Variants in TLCD4 observed in about 807,000 individuals in gnomAD.
TLCD4 encodes the protein TLC domain-containing protein 4.
Under a neutral mutation model 24.2 loss-of-function variants are expected in TLCD4, and 7 were observed. That is an observed-to-expected ratio of 0.29 (90% CI 0.16 to 0.54). The LOEUF is 0.54. Ranked by LOEUF, TLCD4 falls within the 20% of genes least tolerant of loss-of-function variation. The pLI, the probability that TLCD4 is intolerant of heterozygous loss-of-function variation, is 0.95. For missense variants in TLCD4, 259 were observed against 313.9 expected, an observed-to-expected ratio of 0.82 and a Z score of 1.32; for synonymous variants, 103 against 106.4, an observed-to-expected ratio of 0.97 and a Z score of 0.20.
chr1:95,181,741 CTACTCCCTGAGTAGCTGGGATTACTAT>C (rs1281100124), intron 6 of TLCD4, among the ~76,000 whole-genome samples: 25 of 152,028 alleles, frequency 1.6e-4, no homozygotes, highest in Admixed American at 3.9e-4. Flanking sequence ...GGGATTACTA[CTACTCCCTGAGTAGCTGGGATTACTAT>C]GCCACCACGC....
chr1:95,189,432 G>C (rs748554416), intron 6 of TLCD4, among the ~76,000 whole-genome samples: 10 of 152,090 alleles, frequency 6.6e-5, no homozygotes, highest in Non-Finnish European at 1.5e-4. Context: ...GCATACATCA[G>C]GTTCACTTTT....
chr1:95,143,476 C>T (rs919605388), intron 1 of TLCD4, among the ~76,000 whole-genome samples: 7 of 151,892 alleles, frequency 4.6e-5, no homozygotes, highest in Non-Finnish European at 1.0e-4. Flanking sequence ...TTGATTGTTT[C>T]TTAGAAATTA....
chr1:95,162,971 T>A (rs1285518409), intron 5 of TLCD4, among the ~76,000 whole-genome samples: 2 of 152,188 alleles, frequency 1.3e-5, no homozygotes, highest in Non-Finnish European at 2.9e-5. Context: ...AATCTGACAA[T>A]TATGTGTCTT....
At chr1:95,107,824 A>G in the TLCD4 span, among the ~76,000 whole-genome samples, 4 of 152,196 alleles carry the variant, frequency 2.6e-5, no homozygotes, top group Non-Finnish European at 4.4e-5. Flanking sequence ...TCTGTTAACA[A>G]GGCATTTTAG....
At chr1:95,176,829 TA>T (rs1678446463) in intron 6 of TLCD4, among the ~76,000 whole-genome samples, 1 of 152,344 alleles carries the variant, frequency 6.6e-6, no homozygotes, top group Middle Eastern at 3.4e-3. Context: ...ATATATGGTA[TA>T]GGGGTCCAAC....
chr1:95,137,153 A>C (rs1302509333), intron 1 of TLCD4, among the ~76,000 whole-genome samples: 1 of 152,214 alleles, frequency 6.6e-6, no homozygotes, highest in African/African-American at 2.4e-5. Context: ...AAAGGTGTTT[A>C]TGCCTGATCG....
chr1:95,155,907 T>C (rs547499789), intron 5 of TLCD4, among the ~76,000 whole-genome samples: 39 of 152,210 alleles, frequency 2.6e-4, no homozygotes, highest in Non-Finnish European at 4.6e-4. Flanking sequence ...GATTTAAATA[T>C]AAGATACTAT....
intron 5 of TLCD4, among the ~76,000 whole-genome samples, chr1:95,165,757 C>T (rs983610191): frequency 2.0e-5 from 3 of 152,160 alleles, no homozygotes; most frequent in Non-Finnish European, 4.4e-5. Context: ...TGAGCCACTG[C>T]GCCTGGCCTA....
At chr1:95,103,304 G>A in the TLCD4 span, among the ~76,000 whole-genome samples, 1 of 152,078 alleles carries the variant, frequency 6.6e-6, no homozygotes, top group Non-Finnish European at 1.5e-5. Context: ...GGTAGGCAGT[G>A]AAACTCCATT....
chr1:95,182,388 T>C (rs1052269374), intron 6 of TLCD4, among the ~76,000 whole-genome samples: 7 of 152,168 alleles, frequency 4.6e-5, no homozygotes, highest in African/African-American at 1.7e-4. Context: ...GTAGCAGAAA[T>C]GCCTTATGTG....
intron 1 of TLCD4, among the ~76,000 whole-genome samples, chr1:95,129,437 T>G (rs1471576814): frequency 6.6e-6 from 1 of 152,192 alleles, no homozygotes; most frequent in Non-Finnish European, 1.5e-5. Context: ...TAATATCATT[T>G]ATCTTTGAAA....
chr1:95,094,566 CTAAG>C, the TLCD4 span, among the ~76,000 whole-genome samples: 2 of 152,158 alleles, frequency 1.3e-5, no homozygotes, highest in African/African-American at 4.8e-5. Context: ...ATAAACCCTT[CTAAG>C]TGAGTGCTGT....
At chr1:95,121,537 C>A (rs1676569398) in intron 1 of TLCD4, among the ~76,000 whole-genome samples, 1 of 152,226 alleles carries the variant, frequency 6.6e-6, no homozygotes, top group Non-Finnish European at 1.5e-5. Flanking sequence ...GTGGCACAGT[C>A]TTGGCTCACT....
Position 95,182,256 on chromosome 1 carries a change from A to G in TLCD4, c.473+8367A>G, listed in dbSNP as rs1678670972. Among the ~76,000 whole-genome samples the G allele has an allele frequency of 1.3e-5, 2 of 150,784 alleles. 1 individual carries two copies. Among genetic ancestry groups the G allele is most frequent in the African/African-American group, 4.9e-5 (2 of 40,950 alleles). On this transcript the variant is annotated intron_variant, in intron 6 of 6. Transcript: ENST00000370203. ...CCTGCCAGATGGCTCAAGCAATCAT[A>G]GTTTATTGTTTTTTGTTTTTTTTTT...
intron 1 of TLCD4, among the ~76,000 whole-genome samples, chr1:95,131,684 T>A (rs150654381): frequency 6.6e-6 from 1 of 152,316 alleles, no homozygotes; most frequent in African/African-American, 2.4e-5. Context: ...TCCATTGGAC[T>A]TGGTGGTAGA....
the TLCD4 span, among the ~76,000 whole-genome samples, chr1:95,102,988 T>TC: frequency 6.6e-6 from 1 of 151,828 alleles, no homozygotes; most frequent in Non-Finnish European, 1.5e-5. Context: ...AAAAAAAATT[T>TC]TTTTTTTTGA....
Position 95,151,097 on chromosome 1 carries a change from C to T in TLCD4, c.305-228C>T, listed in dbSNP as rs535258935. On this transcript the variant is annotated intron_variant, in intron 4 of 6. Coordinates refer to ENST00000370203, the MANE Select transcript of TLCD4 (RefSeq NM_152487.3). ...TAGATTCTGAGGGTTTAAAGATGCT[C>T]ACAACCTGGCCCTTGTCTTAGAGGA... is the stretch of plus-strand genomic sequence containing the variant. Among the ~76,000 whole-genome samples, 102 of 152,214 alleles carry T rather than the reference C, an allele frequency of 6.7e-4. 1 individual carries two copies. Among genetic ancestry groups the T allele is most frequent in the Non-Finnish European group, 1.4e-3 (95 of 68,016 alleles).
At chr1:95,144,248 T>C (rs1677289882) in intron 2 of TLCD4, among the ~76,000 whole-genome samples, 192 bp downstream of exon 2, 1 of 152,302 alleles carries the variant, frequency 6.6e-6, no homozygotes, top group Admixed American at 6.5e-5. Flanking sequence ...TATTGAAAGA[T>C]GTTAGGAGAA....
intron 1 of TLCD4, among the ~76,000 whole-genome samples, chr1:95,141,628 A>G (rs1332849173): frequency 6.6e-6 from 1 of 152,198 alleles, no homozygotes; most frequent in Non-Finnish European, 1.5e-5. Context: ...ATTTATGTAC[A>G]AAACTTTTAT....
Sources: allele counts gnomAD v4.1 joint callset (sites outside exome capture counted in the v4.1 genomes callset), GRCh38; gene constraint gnomAD v4.1.1; transcripts MANE v1.5; gene names NCBI Gene and HGNC (gene_info 2026-07-23, HGNC 2026-07-21).